Variants in MINDY4 observed in about 807,000 individuals in gnomAD.
MINDY4 encodes the protein MINDY lysine 48 deubiquitinase 4, also known as probable ubiquitin carboxyl-terminal hydrolase MINDY-4.
A neutral mutation model predicts 87.0 loss-of-function variants in MINDY4; 68 were observed. That is an observed-to-expected ratio of 0.78 (90% CI 0.64 to 0.96). The LOEUF is 0.96. Ranked by LOEUF, MINDY4 falls within the 40% of genes least tolerant of loss-of-function variation. The pLI, the probability that MINDY4 is intolerant of heterozygous loss-of-function variation, is 0.00. For synonymous variants in MINDY4, 379 were observed against 363.2 expected (o/e 1.04, Z -0.50); for missense variants, 919 against 928.2 (o/e 0.99, Z 0.13).
Position 30,872,299 on chromosome 7 carries a change from G to C in MINDY4, c.1802G>C (p.Cys601Ser). Residue 601 changes from cysteine to serine, a missense_variant, in exon 14 of 18, where the codon TGT becomes TCT. Cys to Ser is a moderately radical substitution (Grantham distance 112, BLOSUM62 -1). Coordinates refer to ENST00000265299, the MANE Select transcript of MINDY4 (RefSeq NM_032222.3). Reference protein sequence around the residue: ...TSHLIGAHGYCTQELVNLLLT... With the variant: ...TSHLIGAHGYSTQELVNLLLT... ...CACCTGATTGGAGCACATGGCTACT[G>C]TACACAGGTCAGGGGGCGCTGTGGG... is the stretch of plus-strand genomic sequence containing the variant. The C allele has an allele frequency of 6.2e-7, 1 of 1,614,072 alleles. No individual in the cohort carries two copies.
At chr7:30,847,055 A>G (rs914204872) in intron 9 of MINDY4, among the ~76,000 whole-genome samples, 1 of 152,122 alleles carries the variant, frequency 6.6e-6, no homozygotes, top group African/African-American at 2.4e-5. Flanking sequence ...CAGTGTTGGA[A>G]TGATGCTTTG....
chr7:30,816,910 G>C (rs1375252425), intron 5 of MINDY4, among the ~76,000 whole-genome samples: 1 of 152,168 alleles, frequency 6.6e-6, no homozygotes, highest in African/African-American at 2.4e-5. Flanking sequence ...ATATGTTGTA[G>C]GTCAACCGTT....
chr7:30,881,387 A>G (rs1790459924), intron 15 of MINDY4, among the ~76,000 whole-genome samples: 1 of 152,102 alleles, frequency 6.6e-6, no homozygotes, highest in South Asian at 2.1e-4. Context: ...TCCTTATCCA[A>G]GTGTTGCTGC....
intron 1 of MINDY4, among the ~76,000 whole-genome samples, chr7:30,771,849 G>A (rs1326253235): frequency 6.6e-6 from 1 of 152,246 alleles, no homozygotes; most frequent in Non-Finnish European, 1.5e-5. Flanking sequence ...GGGGGCCTGG[G>A]GGCCGCGCCA....
chr7:30,891,174 G>A (rs1045738999), intron 17 of MINDY4, among the ~76,000 whole-genome samples: 3 of 152,076 alleles, frequency 2.0e-5, no homozygotes, highest in African/African-American at 7.2e-5. Context: ...TATAGTCTTA[G>A]GATATCTGTA....
chr7:30,856,438 AG>A (rs1473293609), intron 12 of MINDY4, among the ~76,000 whole-genome samples: 1 of 151,952 alleles, frequency 6.6e-6, no homozygotes, highest in African/African-American at 2.4e-5. Context: ...CCAGGGCTCA[AG>A]GGGTCCCCTT....
chr7:30,852,184 A>T (rs1319927733), intron 10 of MINDY4, 32 bp from the exon 11 acceptor site: 1 of 1,613,768 alleles, frequency 6.2e-7, no homozygotes, highest in Admixed American at 1.7e-5. Context: ...CTCTCCACTC[A>T]GAGGACTCAT....
At chr7:30,800,026 G>A (rs1584252234) in intron 5 of MINDY4, among the ~76,000 whole-genome samples, 3 of 152,270 alleles carry the variant, frequency 2.0e-5, no homozygotes, top group African/African-American at 7.2e-5. Flanking sequence ...GGCGGGCAGT[G>A]TGCAACCTCC....
At chr7:30,872,369 G>A in intron 14 of MINDY4, 63 bp downstream of exon 14, 1 of 1,448,750 alleles carries the variant, frequency 6.9e-7, no homozygotes, top group Non-Finnish European at 9.7e-7. Flanking sequence ...GAGAGGGAGA[G>A]GTCCTCCTCC....
At chr7:30,888,190 T>C (rs528748973) in intron 17 of MINDY4, among the ~76,000 whole-genome samples, 1 of 152,284 alleles carries the variant, frequency 6.6e-6, no homozygotes, top group South Asian at 2.1e-4. Context: ...AGGGCCTTAT[T>C]TTCCACCATG....
chr7:30,845,876 C>T (rs1012667072), intron 9 of MINDY4, among the ~76,000 whole-genome samples: 1 of 152,202 alleles, frequency 6.6e-6, no homozygotes, highest in African/African-American at 2.4e-5. Flanking sequence ...GCCGGCCTCT[C>T]CTCAGTCGGG....
chr7:30,883,789 G>C lies in MINDY4; in HGVS notation c.2225+796G>C, dbSNP rs192894348. Among the ~76,000 whole-genome samples the C allele has an allele frequency of 2.4e-3, 371 of 152,262 alleles. 1 individual carries two copies. The highest frequency in any genetic ancestry group is 7.9e-3 in the African/African-American group (327 of 41,536). ...AGAGGCCTGGATCCTGGTCCCTTCT[G>C]GGGGAGCAGTGGAACTGGTAACCTT... On this transcript the variant is annotated intron_variant, in intron 17 of 17. Transcript: ENST00000265299.
At chr7:30,832,315 T>C (rs936094177) in intron 6 of MINDY4, among the ~76,000 whole-genome samples, 8 of 152,332 alleles carry the variant, frequency 5.3e-5, no homozygotes, top group Non-Finnish European at 1.0e-4. Context: ...ACAATCTGGC[T>C]CAAGGCATTG....
chr7:30,880,202 C>T (rs1437677791), intron 15 of MINDY4, among the ~76,000 whole-genome samples: 1 of 151,822 alleles, frequency 6.6e-6, no homozygotes, highest in Non-Finnish European at 1.5e-5. Flanking sequence ...CCATTCACAA[C>T]CCCCGCCCTA....
intron 17 of MINDY4, among the ~76,000 whole-genome samples, chr7:30,891,737 G>C (rs1346122256): frequency 1.3e-5 from 2 of 152,190 alleles, no homozygotes; most frequent in Non-Finnish European, 2.9e-5. Flanking sequence ...CTGCCGCCTG[G>C]CCTCTCCATT....
intron 3 of MINDY4, among the ~76,000 whole-genome samples, chr7:30,782,456 C>G (rs979010233): frequency 1.2e-4 from 19 of 152,056 alleles, no homozygotes; most frequent in African/African-American, 4.1e-4. Flanking sequence ...AATCCCAGCA[C>G]TTTGGGAGGC....
intron 4 of MINDY4, among the ~76,000 whole-genome samples, chr7:30,786,921 C>G (rs1787174588): frequency 6.6e-6 from 1 of 152,168 alleles, no homozygotes; most frequent in African/African-American, 2.4e-5. Flanking sequence ...ACACCAAACT[C>G]AAAGTGCCGT....
chr7:30,846,900 T>G (rs1789238530), intron 9 of MINDY4, among the ~76,000 whole-genome samples: 1 of 152,214 alleles, frequency 6.6e-6, no homozygotes, highest in African/African-American at 2.4e-5. Context: ...CTTATGCCAC[T>G]GCTGATCTGA....
rs577483537 is a variant in MINDY4 at position 30,870,535 on chromosome 7, C to T, written c.1746-1708C>T. Among the ~76,000 whole-genome samples, 10 of 152,322 alleles carry T rather than the reference C, an allele frequency of 6.6e-5. 2 individuals carry two copies. Among genetic ancestry groups the T allele is most frequent in the African/African-American group, 2.4e-4 (10 of 41,568 alleles). On this transcript the variant is annotated intron_variant, in intron 13 of 17. Transcript: ENST00000265299. ...AAGCCTTAGTGGTTCTCTGCAAGCTCCTGCAAGGGTAACCCCAGCTCATCT... is the reference window on the plus strand; with the variant it reads ...AAGCCTTAGTGGTTCTCTGCAAGCTTCTGCAAGGGTAACCCCAGCTCATCT...
Sources: allele counts gnomAD v4.1 joint callset (sites outside exome capture counted in the v4.1 genomes callset), GRCh38; gene constraint gnomAD v4.1.1; transcripts MANE v1.5; gene names NCBI Gene and HGNC (gene_info 2026-07-23, HGNC 2026-07-21).